Variants in BLOC1S5 observed in about 807,000 individuals in gnomAD.
BLOC1S5 encodes biogenesis of lysosomal organelles complex 1 subunit 5.
A neutral mutation model predicts 24.3 loss-of-function variants in BLOC1S5; 27 were observed. The ratio of observed to expected loss-of-function variants is 1.11; its 90% CI spans 0.82 to 1.53. The LOEUF (loss-of-function observed/expected upper bound fraction) is 1.53, where lower values mean the gene tolerates loss of function less well. BLOC1S5 is among the 40% of genes most tolerant of loss of function. BLOC1S5 has a pLI of 0.00. For synonymous variants in BLOC1S5, 84 were observed against 74.5 expected (o/e 1.13, Z -0.66); for missense variants, 239 against 229.4 (o/e 1.04, Z -0.27).
At chr6:8,015,855 A>G in intron 4 of BLOC1S5, 27 bp from the exon 5 acceptor site, 1 of 1,581,126 alleles carries the variant, frequency 6.3e-7, no homozygotes, top group Non-Finnish European at 8.6e-7. Flanking sequence ...AGAAAGTCAC[A>G]CGACATTTTC....
At chr6:8,051,652 A>C (rs1286910038) in intron 2 of BLOC1S5, among the ~76,000 whole-genome samples, 1 of 152,190 alleles carries the variant, frequency 6.6e-6, no homozygotes, top group Non-Finnish European at 1.5e-5. Context: ...GGACAAGCTA[A>C]CTCTCTTGTT....
chr6:8,032,705 C>T (rs1290988689), intron 3 of BLOC1S5, among the ~76,000 whole-genome samples: 1 of 152,164 alleles, frequency 6.6e-6, no homozygotes, highest in Admixed American at 6.5e-5. Context: ...TTGCAGATGA[C>T]ATGATTGTAT....
rs777922617 is a variant in BLOC1S5 at position 8,053,847 on chromosome 6, T to C, written c.195+8687A>G. On this transcript the variant is annotated intron_variant, in intron 2 of 4. Transcript: ENST00000397457. ...TGTGGTCTTTGTTCTCTCTTTTTGG[T>C]GTATCTTCCAGTTATTTAGAAAAGT... Among the ~76,000 whole-genome samples, 9 of 152,324 alleles carry C rather than the reference T, an allele frequency of 5.9e-5. No individual in the cohort carries two copies. In the South Asian group the frequency reaches 6.2e-4, roughly 11 times the overall value.
chr6:8,032,600 C>A (rs137962642), intron 3 of BLOC1S5, among the ~76,000 whole-genome samples: 1 of 152,234 alleles, frequency 6.6e-6, no homozygotes, highest in African/African-American at 2.4e-5. Flanking sequence ...CACTCCTATT[C>A]AATGTAGTGT....
chr6:8,016,150 A>T (rs373761370), intron 4 of BLOC1S5, among the ~76,000 whole-genome samples: 53 of 152,244 alleles, frequency 3.5e-4, no homozygotes, highest in African/African-American at 8.7e-4. Context: ...ACATGGCAAA[A>T]CTCCGTCTCT....
chr6:8,048,366 G>GGCT (rs1296137989), intron 2 of BLOC1S5, among the ~76,000 whole-genome samples: 1 of 152,206 alleles, frequency 6.6e-6, no homozygotes, highest in Non-Finnish European at 1.5e-5. Flanking sequence ...TGAGCACTAA[G>GGCT]GCTGCTCACT....
intron 2 of BLOC1S5, among the ~76,000 whole-genome samples, chr6:8,047,904 T>C (rs1372752513): frequency 6.6e-6 from 1 of 152,228 alleles, no homozygotes; most frequent in African/African-American, 2.4e-5. Flanking sequence ...CAACAACAAC[T>C]TGGTTACTCT....
At chr6:8,055,504 C>T (rs147871056) in intron 2 of BLOC1S5, among the ~76,000 whole-genome samples, 9 of 152,250 alleles carry the variant, frequency 5.9e-5, no homozygotes, top group African/African-American at 9.6e-5. Context: ...CTTATTTCCT[C>T]GAGGAATATT....
chr6:8,057,982 A>T (rs1465142978), intron 2 of BLOC1S5, among the ~76,000 whole-genome samples: 1 of 151,794 alleles, frequency 6.6e-6, no homozygotes, highest in Non-Finnish European at 1.5e-5. Flanking sequence ...CACCATGATG[A>T]CTCTTTGTTT....
intron 3 of BLOC1S5, among the ~76,000 whole-genome samples, chr6:8,035,623 A>G (rs748717255): frequency 6.6e-6 from 1 of 152,188 alleles, no homozygotes; most frequent in Non-Finnish European, 1.5e-5. Context: ...CAAATCAAAG[A>G]CTGCAAAAAG....
intron 4 of BLOC1S5, among the ~76,000 whole-genome samples, chr6:8,021,126 A>G (rs1463506572): frequency 2.0e-5 from 3 of 152,220 alleles, no homozygotes; most frequent in African/African-American, 7.2e-5. Flanking sequence ...ATGACATTAC[A>G]CTAAAGAAAC....
Position 8,024,877 on chromosome 6 carries a change from G to A in BLOC1S5, c.384+1490C>T, listed in dbSNP as rs549196389. 8.3e-4 allele frequency among the ~76,000 whole-genome samples: 127 copies of A among 152,330 alleles called. 1 individual carries two copies. Among genetic ancestry groups the A allele is most frequent in the Non-Finnish European group, 1.5e-3 (103 of 68,032 alleles). On this transcript the variant is annotated intron_variant, in intron 4 of 4. Coordinates refer to ENST00000397457, the MANE Select transcript of BLOC1S5 (RefSeq NM_201280.3). ...TTAGTTTGCAAACGAGGAGCTGGAA[G>A]CTCAAGGATTTGTCCAAGGGCTTAT...
chr6:8,027,126 A>G (rs1041719448), intron 3 of BLOC1S5: 10 of 310,394 alleles, frequency 3.2e-5, no homozygotes, highest in African/African-American at 1.7e-4. Context: ...TATTTCATCA[A>G]TGAAACCAGT....
chr6:8,022,458 A>G (rs1762944614), intron 4 of BLOC1S5, among the ~76,000 whole-genome samples: 1 of 152,010 alleles, frequency 6.6e-6, no homozygotes, highest in Admixed American at 6.6e-5. Flanking sequence ...TGCCTTACAG[A>G]GACATAGGAA....
intron 4 of BLOC1S5, among the ~76,000 whole-genome samples, chr6:8,025,924 C>G (rs1228872973): frequency 3.9e-5 from 6 of 152,172 alleles, no homozygotes; most frequent in Non-Finnish European, 2.9e-5. Flanking sequence ...TTCAAATAAG[C>G]AAAGCACTGC....
chr6:8,059,700 A>G (rs919970186), intron 2 of BLOC1S5, among the ~76,000 whole-genome samples: 1 of 152,238 alleles, frequency 6.6e-6, no homozygotes, highest in Admixed American at 6.5e-5. Context: ...CAGACAGAAA[A>G]GGCATTTGAG....
chr6:8,030,715 T>C (rs1487882435), intron 3 of BLOC1S5, among the ~76,000 whole-genome samples: 1 of 150,900 alleles, frequency 6.6e-6, no homozygotes, highest in Non-Finnish European at 1.5e-5. Flanking sequence ...CTACTAAAAA[T>C]AGAAAAATTA....
At chr6:8,044,283 CAA>C (rs1175141654) in intron 2 of BLOC1S5, among the ~76,000 whole-genome samples, 67 of 88,996 alleles carry the variant, frequency 7.5e-4, no homozygotes, top group African/African-American at 2.3e-3. Context: ...GACTCTGTCT[CAA>C]AAAAAAAAAA....
At chr6:8,062,760 C>T (rs1757307699) in intron 1 of BLOC1S5, 144 bp from the exon 2 acceptor site, 2 of 572,556 alleles carry the variant, frequency 3.5e-6, no homozygotes, top group Admixed American at 7.1e-5. Context: ...CATCCACTGC[C>T]AGTGGATGTG....
Sources: gnomAD v4.1 joint callset for allele counts (sites outside exome capture counted in the v4.1 genomes callset) on GRCh38, gnomAD v4.1.1 for gene constraint, MANE v1.5 for transcripts, NCBI Gene and HGNC (gene_info 2026-07-23, HGNC 2026-07-21) for gene names.